Variants in CATSPERT observed in about 807,000 individuals in gnomAD.
CATSPERT encodes the protein cation channel sperm-associated targeting subunit tau.
At chr2:201,580,507 C>CT in the CATSPERT span, among the ~76,000 whole-genome samples, 1 of 151,992 alleles carries the variant, frequency 6.6e-6, no homozygotes, top group South Asian at 2.1e-4. Flanking sequence ...TAAAATTTTC[C>CT]TTTTTCTTCC....
chr2:201,525,488 C>T, the CATSPERT span, among the ~76,000 whole-genome samples: 1 of 152,002 alleles, frequency 6.6e-6, no homozygotes, highest in African/African-American at 2.4e-5. Flanking sequence ...CACTAAATGC[C>T]CACATCAAAA....
the CATSPERT span, among the ~76,000 whole-genome samples, chr2:201,501,134 T>G: frequency 7.9e-5 from 12 of 151,816 alleles, no homozygotes; most frequent in Admixed American, 6.6e-4. Flanking sequence ...CATGGTGGCT[T>G]ATGCCTGTAA....
the CATSPERT span, among the ~76,000 whole-genome samples, chr2:201,560,119 A>C: frequency 1.3e-5 from 2 of 152,190 alleles, no homozygotes; most frequent in Admixed American, 6.5e-5. Context: ...GAAGAATTCA[A>C]TGACTGAAAT....
chr2:201,583,490 C>T, the CATSPERT span, among the ~76,000 whole-genome samples: 3 of 152,138 alleles, frequency 2.0e-5, no homozygotes, highest in Non-Finnish European at 4.4e-5. Context: ...AATTTCGAGC[C>T]AGATACTTAA....
the CATSPERT span, chr2:201,558,169 A>C: frequency 6.6e-6 from 1 of 152,246 alleles, no homozygotes; most frequent in Non-Finnish European, 1.5e-5. Context: ...TTAAACTTTA[A>C]TAAATATCAG....
At chr2:201,491,029 A>G in the CATSPERT span, 1 of 742,062 alleles carries the variant, frequency 1.3e-6, no homozygotes, top group Non-Finnish European at 2.1e-6. Context: ...GGTCTTTCAG[A>G]GGAATTTTTA....
At chr2:201,515,989 A>C in the CATSPERT span, among the ~76,000 whole-genome samples, 2 of 152,264 alleles carry the variant, frequency 1.3e-5, no homozygotes, top group African/African-American at 4.8e-5. Context: ...ATACACTGAG[A>C]AACGTGTTAT....
At chr2:201,613,055 G>A in the CATSPERT span, among the ~76,000 whole-genome samples, 1 of 152,250 alleles carries the variant, frequency 6.6e-6, no homozygotes, top group Non-Finnish European at 1.5e-5. Flanking sequence ...CAGCTGGGAA[G>A]CTCAAACTGG....
the CATSPERT span, among the ~76,000 whole-genome samples, chr2:201,595,326 C>A: frequency 0.43 from 64,773 of 151,230 alleles, 14,359 homozygotes; most frequent in Non-Finnish European, 0.5. Flanking sequence ...GTAGCTGGGA[C>A]TACAGGCGCC....
At chr2:201,509,089 G>A in the CATSPERT span, among the ~76,000 whole-genome samples, 1 of 150,698 alleles carries the variant, frequency 6.6e-6, no homozygotes, top group East Asian at 1.9e-4. Flanking sequence ...TTTCCATAGT[G>A]GCTGCATCAT....
At chr2:201,575,415 C>T in the CATSPERT span, 2 of 1,003,864 alleles carry the variant, frequency 2.0e-6, no homozygotes, top group Non-Finnish European at 2.8e-6. Context: ...ACCCCTAGGC[C>T]ATGGACTGGT....
At chr2:201,546,483 A>G in the CATSPERT span, among the ~76,000 whole-genome samples, 7 of 152,212 alleles carry the variant, frequency 4.6e-5, no homozygotes, top group Admixed American at 3.9e-4. Context: ...AAGGATTTGA[A>G]TAAACTTTAT....
chr2:201,597,281 C>T, the CATSPERT span, among the ~76,000 whole-genome samples: 528 of 152,300 alleles, frequency 3.5e-3, 14 homozygotes, highest in Non-Finnish European at 7.1e-4. Flanking sequence ...GACTTCTGAA[C>T]TTTCTAGTCA....
At chr2:201,607,198 A>C in the CATSPERT span, among the ~76,000 whole-genome samples, 1 of 152,200 alleles carries the variant, frequency 6.6e-6, no homozygotes, top group African/African-American at 2.4e-5. Context: ...GGATTTGGGT[A>C]AAAGAAGCCA....
chr2:201,530,481 G>A, the CATSPERT span, among the ~76,000 whole-genome samples: 3 of 152,194 alleles, frequency 2.0e-5, no homozygotes, highest in East Asian at 5.8e-4. Context: ...TCACATGCAT[G>A]GTTTTGGTTG....
At chr2:201,599,081 T>C in the CATSPERT span, among the ~76,000 whole-genome samples, 1 of 152,124 alleles carries the variant, frequency 6.6e-6, no homozygotes, top group Non-Finnish European at 1.5e-5. Flanking sequence ...ACTCCTGTCC[T>C]CTGCCTCCTG....
the CATSPERT span, chr2:201,604,476 T>A: frequency 2.1e-6 from 1 of 468,590 alleles, no homozygotes; most frequent in Non-Finnish European, 3.7e-6. Flanking sequence ...TCAGTGATTA[T>A]TACAATGTTT....
At chr2:201,562,526 A>AT in the CATSPERT span, among the ~76,000 whole-genome samples, 1 of 147,266 alleles carries the variant, frequency 6.8e-6, no homozygotes, top group East Asian at 2.0e-4. Context: ...TTATTTATTT[A>AT]TTTTTTTTAT....
the CATSPERT span, among the ~76,000 whole-genome samples, chr2:201,512,774 C>A: frequency 1.3e-5 from 2 of 151,962 alleles, no homozygotes; most frequent in African/African-American, 4.8e-5. Context: ...ACATGTAAGT[C>A]TTAATTTCCC....
Sources: allele counts gnomAD v4.1 joint callset (sites outside exome capture counted in the v4.1 genomes callset), GRCh38; gene constraint gnomAD v4.1.1; transcripts MANE v1.5; gene names NCBI Gene and HGNC (gene_info 2026-07-23, HGNC 2026-07-21).